Variants in MFSD12 observed in about 807,000 individuals in gnomAD.
MFSD12 encodes major facilitator superfamily domain-containing protein 12.
MFSD12 carries 67 observed loss-of-function variants against 51.2 expected under a neutral mutation model. That is an observed-to-expected ratio of 1.31 (90% confidence interval 1.08 to 1.60). The LOEUF (loss-of-function observed/expected upper bound fraction) is 1.60, where lower values mean the gene tolerates loss of function less well. Among genes scored for constraint, MFSD12 ranks in the 40% most tolerant of loss-of-function variants. MFSD12 has a pLI of 0.00. For missense variants in MFSD12, 921 were observed against 673.0 expected, an observed-to-expected ratio of 1.37 and a Z score of -4.08; for synonymous variants, 441 against 316.7, an observed-to-expected ratio of 1.39 and a Z score of -4.17.
At chr19:3,543,232 C>G (rs767548711), downstream of MFSD12, 3 of 1,542,124 alleles carry the variant, frequency 1.9e-6, no homozygotes, top group Non-Finnish European at 2.6e-6. Context: ...TGCCCACCCT[C>G]AGCGATGACT....
chr19:3,543,736 G>A, downstream of MFSD12: 2 of 1,495,836 alleles, frequency 1.3e-6, no homozygotes, highest in Non-Finnish European at 1.8e-6. Flanking sequence ...GGCCACCTAG[G>A]CCAGGGTGAA....
chr19:3,540,936 C>A (rs1247841603), downstream of MFSD12, among the ~76,000 whole-genome samples: 2 of 151,378 alleles, frequency 1.3e-5, no homozygotes, highest in African/African-American at 4.9e-5. Context: ...TTTGGGAGGC[C>A]GAGGCGGGTG....
In MFSD12 at chr19:3,544,984, C is replaced by A. The variant is rs550190941; in HGVS notation, c.1290-45G>T. On this transcript the variant is annotated intron_variant, in intron 8 of 9. Coordinates refer to ENST00000355415, the MANE Select transcript of MFSD12 (RefSeq NM_174983.5). The stretch of plus-strand genomic sequence containing the variant: ...ATGAGTAGGCACCGCGGGTACCACC[C>A]CCCCGCCACCCAAGCTGAACCTGTG... 6 of 1,549,784 alleles carry A rather than the reference C, an allele frequency of 3.9e-6. No individual in the cohort carries two copies. In the South Asian group the frequency reaches 5.9e-5, roughly 15 times the overall value.
rs1599819318 is a variant in MFSD12, at chr19:3,544,649, T to TG, written c.*60dup. On this transcript the variant is annotated 3_prime_UTR_variant, in exon 10 of 10. Coordinates refer to ENST00000355415, the MANE Select transcript of MFSD12 (RefSeq NM_174983.5). The stretch of plus-strand genomic sequence containing the variant: ...CAGTGGGGGCTTTTCCCCAAGGCCC[T>TG]GGGGGGCATCCTCGTGCGTCCCCAC... 66 of 1,545,966 alleles carry TG rather than the reference T, an allele frequency of 4.3e-5. 1 individual carries two copies. In the South Asian group the frequency reaches 7.4e-4, roughly 17 times the overall value.
Position 3,550,856 on chromosome 19 carries a change from AAAAT to A in MFSD12, c.509+124_509+127del, listed in dbSNP as rs2145208630. The A allele has an allele frequency of 3.8e-6, 3 of 785,988 alleles. No individual in the cohort carries two copies. In the East Asian group the frequency reaches 8.1e-5, roughly 21 times the overall value. 48.7% of individuals were successfully genotyped at this position (785,988 alleles called of 1,614,324 possible). A position where few individuals can be genotyped will look rare whatever the true frequency, so the allele number is the denominator to read the frequency against. On this transcript the variant is annotated intron_variant, in intron 2 of 9. Coordinates refer to ENST00000355415, the MANE Select transcript of MFSD12 (RefSeq NM_174983.5). The stretch of plus-strand genomic sequence containing the variant: ...CAACAGAGTGAGACCCCCTTTCAAA[AAAAT>A]AAACATGAAAGACTGCCTGGTCTCG...
intron 1 of MFSD12, among the ~76,000 whole-genome samples, chr19:3,553,784 G>C (rs1166643350): frequency 7.2e-6 from 1 of 138,974 alleles, no homozygotes; most frequent in African/African-American, 2.7e-5. Flanking sequence ...GAGAAAGAAA[G>C]GAAAAGAAAA....
intron 8 of MFSD12, among the ~76,000 whole-genome samples, chr19:3,545,443 C>T (rs537264104): frequency 6.6e-6 from 1 of 152,372 alleles, no homozygotes; most frequent in African/African-American, 2.4e-5. Flanking sequence ...CCCTGTTCTT[C>T]CAACACAACA....
chr19:3,540,943 G>A (rs2030347921), downstream of MFSD12, among the ~76,000 whole-genome samples: 1 of 151,756 alleles, frequency 6.6e-6, no homozygotes, highest in East Asian at 2.0e-4. Flanking sequence ...GGCCGAGGCG[G>A]GTGGATCACG....
chr19:3,545,487 C>T (rs2030928018), intron 8 of MFSD12, among the ~76,000 whole-genome samples: 1 of 152,240 alleles, frequency 6.6e-6, no homozygotes. Context: ...GGCTTTGGCA[C>T]TACTTGTCCC....
In MFSD12 at chr19:3,546,063, G is replaced by A. The variant is rs560285414; in HGVS notation, c.1289+11C>T. On this transcript the variant is annotated intron_variant, in intron 8 of 9. Coordinates refer to ENST00000355415, the MANE Select transcript of MFSD12 (RefSeq NM_174983.5). ...GAACAAAAGAATGAATGAACGAACA[G>A]CGGCACTCACGGGCAAGGGTGCAGG... The A allele has an allele frequency of 2.1e-4, 336 of 1,612,582 alleles. No individual in the cohort carries two copies. The highest frequency in any genetic ancestry group is 2.8e-4 in the Non-Finnish European group (327 of 1,179,434).
At chr19:3,547,164 A>T (rs1463176470) in intron 6 of MFSD12, 108 bp downstream of exon 6, 6 of 974,642 alleles carry the variant, frequency 6.2e-6, no homozygotes, top group Non-Finnish European at 9.8e-6. Context: ...ACAAGGCGGG[A>T]ACTCGGAGGC....
At chr19:3,538,686 G>T (rs995260904) in exon 5 of MFSD12, 1 of 472,836 alleles carries the variant, frequency 2.1e-6, no homozygotes, top group East Asian at 6.9e-5. Context: ...ACCTTCACTG[G>T]GTGTTCGGTG....
downstream of MFSD12, chr19:3,539,244 C>T (rs1377343895): frequency 6.5e-7 from 1 of 1,549,462 alleles, no homozygotes; most frequent in Non-Finnish European, 8.7e-7. Flanking sequence ...GGCCAGCTTC[C>T]CAGCACCGCT....
At chr19:3,541,202 G>A (rs1299922207), downstream of MFSD12, among the ~76,000 whole-genome samples, 4 of 149,212 alleles carry the variant, frequency 2.7e-5, no homozygotes, top group East Asian at 2.0e-4. Context: ...CAGGCATGGC[G>A]GCACGTGCCT....
Position 3,546,322 on chromosome 19 carries a change from C to T in MFSD12, c.1127G>A (p.Gly376Asp). The T allele has an allele frequency of 2.5e-6, 4 of 1,608,904 alleles. No homozygotes were observed. Among genetic ancestry groups the T allele is most frequent in the Non-Finnish European group, 3.4e-6 (4 of 1,178,402 alleles). Reference sequence around the variant, plus strand: ...GACGAGGATGGTGGCACAGCCAGCACCCAGCAGCACAGCCGCTGCGTACAC... The same window carrying T: ...GACGAGGATGGTGGCACAGCCAGCATCCAGCAGCACAGCCGCTGCGTACAC... The part of the protein sequence containing the change: ...VAVYAAAVLL[G>D]AGCATILVTS... The change falls in exon 7 of 10, where the codon GGT (glycine) becomes GAT (aspartate). Residue 376 changes from glycine (G) to aspartate (D), a missense_variant. Physicochemically the swap from Gly to Asp is moderately conservative, Grantham distance 94 (BLOSUM62 -1). Transcript: ENST00000355415.
At position 3,547,977 on chromosome 19, in the gene MFSD12, G is replaced by A; in HGVS notation, c.708C>T (p.His236=). 6.3e-7 allele frequency: 1 copy of A among 1,598,466 alleles called. No individual in the cohort carries two copies. The highest frequency in any genetic ancestry group is 1.1e-5 in the South Asian group (1 of 90,882). ...GCCGGCGCCTCTCCCGGGTGCCCAG[G>A]TGGAATAGCAGTGAGAACACGGCGC... ...GVGAVFSLLF[H]LGTRERRRPH... is the part of the protein sequence containing the mutation. Residue 236 remains histidine, a synonymous_variant, in exon 4 of 10, where the codon CAC becomes CAT. Coordinates refer to ENST00000355415, the MANE Select transcript of MFSD12 (RefSeq NM_174983.5).
intron 2 of MFSD12, among the ~76,000 whole-genome samples, chr19:3,548,688 C>CG (rs66553069): frequency 0.18 from 27,053 of 152,148 alleles, 2,587 homozygotes; most frequent in Middle Eastern, 0.26. Flanking sequence ...CAGAGTCCCC[C>CG]GGGGGGCCTC....
At position 3,544,936 on chromosome 19, in the gene MFSD12, T is replaced by C. The variant is rs1177025434; in HGVS notation, c.1293A>G (p.Ser431=). 7 of 1,607,314 alleles carry C rather than the reference T, an allele frequency of 4.4e-6. No homozygotes were observed. Among genetic ancestry groups the C allele is most frequent in the Middle Eastern group, 1.7e-4 (1 of 5,942 alleles). Residue 431 remains serine, a synonymous_variant, in exon 9 of 10, where the codon TCA becomes TCG. Coordinates refer to ENST00000355415, the MANE Select transcript of MFSD12 (RefSeq NM_174983.5). ...MAIQSLHPCP[S]ELCCRACVSF... is the part of the protein sequence containing the mutation. ...TCACGCAGGCCCTGCAGCAGAGCTC[T>C]GAGCTGTGGGAGGAGGCGGGGGATG...
intron 8 of MFSD12, 84 bp from the exon 9 acceptor site, chr19:3,545,023 C>T (rs903001775): frequency 5.4e-5 from 81 of 1,491,294 alleles, no homozygotes; most frequent in Non-Finnish European, 6.7e-5. Flanking sequence ...CCCCTCACCC[C>T]CGACAGCGGC....
Sources: allele counts gnomAD v4.1 joint callset (sites outside exome capture counted in the v4.1 genomes callset), GRCh38; gene constraint gnomAD v4.1.1; transcripts MANE v1.5; gene names NCBI Gene and HGNC (gene_info 2026-07-23, HGNC 2026-07-21).